The following ARPP21 variants were observed in gnomAD, a reference collection of about 807,000 sequenced individuals.
ARPP21 encodes cAMP-regulated phosphoprotein 21.
Under a neutral mutation model 113.2 loss-of-function variants are expected in ARPP21, and 69 were observed. The ratio of observed to expected loss-of-function variants is 0.61; its 90% CI spans 0.50 to 0.74. The LOEUF (loss-of-function observed/expected upper bound fraction) is 0.74. Ranked by LOEUF, ARPP21 falls within the 30% of genes least tolerant of loss-of-function variation. The pLI, the probability that ARPP21 is intolerant of heterozygous loss-of-function variation, is 0.00. For synonymous variants in ARPP21, 368 were observed against 375.5 expected, an observed-to-expected ratio of 0.98 and a Z score of 0.23; for missense variants, 1,070 against 1,037.4, an observed-to-expected ratio of 1.03 and a Z score of -0.43.
Position 35,681,880 on chromosome 3 carries a change from G to A in ARPP21, c.129G>A (p.Gln43=), listed in dbSNP as rs576537216. ...SLDEEEKLEL[Q]RRLEAQNQER... ...ATGAAGAGGAGAAACTGGAACTGCA[G>A]GTGAGTGAGCATGAAGAGACCCTGA... The change falls in exon 3 of 21, where the codon CAG becomes CAA. Residue 43 remains glutamine, a splice_region_variant and synonymous_variant. Coordinates refer to ENST00000684406, the MANE Select transcript of ARPP21 (RefSeq NM_001385562.1). 120 of 1,611,716 alleles carry A rather than the reference G, an allele frequency of 7.4e-5. 1 individual carries two copies. In the Admixed American group the frequency reaches 1.9e-3, roughly 26 times the overall value.
chr3:35,665,856 T>G (rs143841800), intron 1 of ARPP21, among the ~76,000 whole-genome samples: 2 of 152,300 alleles, frequency 1.3e-5, no homozygotes, highest in African/African-American at 4.8e-5. Flanking sequence ...AGTTAGTGTA[T>G]GCACAATATG....
intron 11 of ARPP21, among the ~76,000 whole-genome samples, chr3:35,713,385 T>A (rs2091742550): frequency 6.6e-6 from 1 of 152,038 alleles, no homozygotes. Flanking sequence ...ACTTGAGATA[T>A]TATTGGGTAA....
intron 11 of ARPP21, among the ~76,000 whole-genome samples, chr3:35,711,074 A>G (rs2090980332): frequency 6.6e-6 from 1 of 152,246 alleles, no homozygotes; most frequent in African/African-American, 2.4e-5. Context: ...CTTCTTTAAA[A>G]TGCTGTGGCT....
chr3:35,655,447 T>C (rs1704408224), intron 1 of ARPP21, among the ~76,000 whole-genome samples: 1 of 152,042 alleles, frequency 6.6e-6, no homozygotes, highest in African/African-American at 2.4e-5. Context: ...GAGTGGAAAC[T>C]TGCCTGTACC....
chr3:35,690,885 C>G lies in ARPP21; in HGVS notation c.566C>G (p.Pro189Arg). 1 of 1,609,348 alleles carries G rather than the reference C, an allele frequency of 6.2e-7. No homozygotes were observed. The change falls in exon 9 of 21, where the codon CCT becomes CGT. Residue 189 changes from proline (P) to arginine (R), a missense_variant. Transcript: ENST00000684406. ...ADNNNHYKKF[P>R]QMSSYQRMLV... ...TCTAGTAATCATTATAAAAAGTTCCCTCAGATGTCATCGTATCAGAGGATG... is the reference window on the plus strand; with the variant it reads ...TCTAGTAATCATTATAAAAAGTTCCGTCAGATGTCATCGTATCAGAGGATG...
Position 35,770,552 on chromosome 3 carries a change from C to T in ARPP21, c.2138-21830C>T, listed in dbSNP as rs1056238323. ...GTTGCTGCCACATTTTTAGAAGACT[C>T]TTGAAGAATGGTCTGAAGACACACC... On this transcript the variant is annotated intron_variant, in intron 19 of 20. Coordinates refer to ENST00000684406, the MANE Select transcript of ARPP21 (RefSeq NM_001385562.1). 6.6e-5 allele frequency among the ~76,000 whole-genome samples: 10 copies of T among 152,284 alleles called. No homozygotes were observed. The South Asian group carries it at 2.1e-3, about 32-fold the overall frequency.
chr3:35,727,580 G>C (rs1243333625), intron 14 of ARPP21, among the ~76,000 whole-genome samples: 2 of 152,180 alleles, frequency 1.3e-5, no homozygotes, highest in Non-Finnish European at 2.9e-5. Context: ...ATCTTGAAAA[G>C]AGTGTTAGTG....
chr3:35,738,430 T>A, intron 17 of ARPP21, 112 bp downstream of exon 17: 2 of 749,162 alleles, frequency 2.7e-6, no homozygotes, highest in Non-Finnish European at 4.5e-6. Flanking sequence ...GGGCTGACTG[T>A]GAGGGGGTAT....
intron 1 of ARPP21, among the ~76,000 whole-genome samples, chr3:35,652,266 CT>C (rs796993295): frequency 3.9e-4 from 60 of 152,162 alleles, no homozygotes; most frequent in African/African-American, 1.4e-3. Flanking sequence ...CAATTTGGGA[CT>C]GTTATCTAAG....
chr3:35,687,620 G>GAA, intron 5 of ARPP21, 119 bp from the exon 6 acceptor site: 10 of 828,842 alleles, frequency 1.2e-5, no homozygotes, highest in Non-Finnish European at 1.8e-5. Flanking sequence ...TTACCATTTA[G>GAA]AAAAAAAAAA....
At chr3:35,705,517 G>T (rs1304878742) in intron 9 of ARPP21, among the ~76,000 whole-genome samples, 3 of 152,148 alleles carry the variant, frequency 2.0e-5, no homozygotes, top group African/African-American at 7.2e-5. Context: ...TAATTTGATG[G>T]AGGAATTTTG....
chr3:35,787,382 A>G (rs942246075), intron 19 of ARPP21, among the ~76,000 whole-genome samples: 8 of 152,228 alleles, frequency 5.3e-5, no homozygotes, highest in Non-Finnish European at 1.0e-4. Flanking sequence ...GAGAAAACAA[A>G]CCAGAATAAA....
intron 1 of ARPP21, among the ~76,000 whole-genome samples, chr3:35,662,552 G>A (rs1708301377): frequency 6.6e-6 from 1 of 152,188 alleles, no homozygotes; most frequent in South Asian, 2.1e-4. Context: ...CTGCAGTTCA[G>A]GCCAGAGGAT....
At chr3:35,688,319 T>G (rs2081208869) in intron 6 of ARPP21, among the ~76,000 whole-genome samples, 1 of 151,610 alleles carries the variant, frequency 6.6e-6, no homozygotes, top group African/African-American at 2.4e-5. Context: ...GTCCCCAAAG[T>G]ACAGATGTAT....
chr3:35,718,409 A>G (rs1205484814), intron 13 of ARPP21, among the ~76,000 whole-genome samples: 2 of 152,136 alleles, frequency 1.3e-5, no homozygotes, highest in Non-Finnish European at 2.9e-5. Context: ...TTGAAAACTC[A>G]GAGAAAAGCT....
At chr3:35,705,475 T>A (rs2149956231) in intron 9 of ARPP21, among the ~76,000 whole-genome samples, 1 of 152,324 alleles carries the variant, frequency 6.6e-6, no homozygotes, top group South Asian at 2.1e-4. Context: ...CATTTTAAGT[T>A]TGGTGGAAAA....
At chr3:35,645,165 G>A (rs1465807846) in intron 1 of ARPP21, among the ~76,000 whole-genome samples, 1 of 151,616 alleles carries the variant, frequency 6.6e-6, no homozygotes, top group Non-Finnish European at 1.5e-5. Flanking sequence ...GATAAAGAGG[G>A]CAAGTGTCCA....
intron 15 of ARPP21, among the ~76,000 whole-genome samples, chr3:35,735,956 A>G (rs182437203): frequency 1.8e-3 from 267 of 152,284 alleles, no homozygotes; most frequent in Non-Finnish European, 2.4e-3. Context: ...TCATTCATTG[A>G]TTAATAATTT....
At chr3:35,776,461 T>A (rs902364952) in intron 19 of ARPP21, among the ~76,000 whole-genome samples, 1 of 152,146 alleles carries the variant, frequency 6.6e-6, no homozygotes, top group Non-Finnish European at 1.5e-5. Context: ...TTGTGTCTTA[T>A]CTTTGATGCA....
Sources: gnomAD v4.1 joint callset for allele counts (sites outside exome capture counted in the v4.1 genomes callset) on GRCh38, gnomAD v4.1.1 for gene constraint, MANE v1.5 for transcripts, NCBI Gene and HGNC (gene_info 2026-07-23, HGNC 2026-07-21) for gene names.